CSMD1: variants seen among roughly 807,000 people sequenced by gnomAD.
CSMD1 encodes CUB and sushi domain-containing protein 1.
In CSMD1, 213 loss-of-function variants were observed where a neutral mutation model predicts 417.5. The observed-to-expected ratio is 0.51, with a 90% CI of 0.46 to 0.57. CSMD1 has a LOEUF of 0.57. Ranked by LOEUF, CSMD1 falls within the 20% of genes least tolerant of loss-of-function variation. CSMD1 has a pLI of 0.00. For synonymous variants in CSMD1, 2,862 were observed against 1,736.8 expected, an observed-to-expected ratio of 1.65 and a Z score of -16.11; for missense variants, 6,923 against 4,529.7, an observed-to-expected ratio of 1.53 and a Z score of -15.17.
At chr8:3,344,490 A>C (rs1266376624) in intron 22 of CSMD1, among the ~76,000 whole-genome samples, 1 of 152,228 alleles carries the variant, frequency 6.6e-6, no homozygotes, top group East Asian at 1.9e-4. Flanking sequence ...AAGTCAATGC[A>C]GCAGTCCTCG....
chr8:3,914,000 T>C (rs1241897305), intron 5 of CSMD1, among the ~76,000 whole-genome samples: 1 of 152,178 alleles, frequency 6.6e-6, no homozygotes, highest in Non-Finnish European at 1.5e-5. Flanking sequence ...TTGTAATACT[T>C]TGTTATTCTT....
At chr8:4,735,761 T>C (rs980961024) in intron 1 of CSMD1, among the ~76,000 whole-genome samples, 3 of 152,172 alleles carry the variant, frequency 2.0e-5, no homozygotes, top group East Asian at 1.9e-4. Flanking sequence ...GTCTTCCTAG[T>C]TGTCAGCCGA....
rs1167225749 is a variant in CSMD1 at position 3,036,743 on chromosome 8, G to A, written c.7661-7230C>T. Among the ~76,000 whole-genome samples the A allele has an allele frequency of 2.6e-5, 4 of 152,006 alleles. No individual in the cohort carries two copies. In the South Asian group the frequency reaches 8.3e-4, roughly 32 times the overall value. On this transcript the variant is annotated intron_variant, in intron 50 of 69. Coordinates refer to ENST00000635120, the MANE Select transcript of CSMD1 (RefSeq NM_033225.6). ...CCTTTTAAATGTGTTTCATACCATC[G>A]AATTTCAACAATCCTCTCTTAAAAA...
At chr8:4,968,809 T>A (rs1208358220) in intron 1 of CSMD1, among the ~76,000 whole-genome samples, 2 of 152,144 alleles carry the variant, frequency 1.3e-5, no homozygotes, top group African/African-American at 2.4e-5. Flanking sequence ...GGCAGTTGCA[T>A]CTCTTCTGCC....
intron 3 of CSMD1, among the ~76,000 whole-genome samples, chr8:4,239,243 A>G (rs992346833): frequency 6.6e-6 from 1 of 152,178 alleles, no homozygotes; most frequent in Non-Finnish European, 1.5e-5. Flanking sequence ...TCAGAATTCC[A>G]TTACAGTGGA....
At chr8:3,627,657 G>C (rs963368133) in intron 7 of CSMD1, among the ~76,000 whole-genome samples, 4 of 152,104 alleles carry the variant, frequency 2.6e-5, no homozygotes, top group African/African-American at 9.7e-5. Context: ...AAAACAGGAA[G>C]GGTGATCACA....
chr8:4,455,929 C>CAAAAAA (rs71207091), intron 2 of CSMD1, among the ~76,000 whole-genome samples: 203 of 11,636 alleles, frequency 0.017, 48 homozygotes, highest in East Asian at 0.03. Context: ...ACTCCAACTC[C>CAAAAAA]AAAAAAAAAA....
chr8:3,714,561 C>CCAAAAAAAAAAAAAAA (rs1554519550), intron 6 of CSMD1, among the ~76,000 whole-genome samples: 1 of 70,552 alleles, frequency 1.4e-5, no homozygotes, highest in Non-Finnish European at 2.5e-5. Flanking sequence ...ATCTCTATCC[C>CCAAAAAAAAAAAAAAA]AAAAAAAAAA....
At chr8:3,182,889 TGTG>T (rs1821479604) in intron 36 of CSMD1, 1 of 143,262 alleles carries the variant, frequency 7.0e-6, no homozygotes, top group African/African-American at 2.7e-5. Context: ...TGTGTGTGTG[TGTG>T]TGTGTATTGT....
intron 26 of CSMD1, among the ~76,000 whole-genome samples, chr8:3,253,537 T>A (rs1210456946): frequency 6.6e-6 from 1 of 152,208 alleles, no homozygotes; most frequent in Non-Finnish European, 1.5e-5. Context: ...TGTAGATGTC[T>A]ATTAGGTCCA....
chr8:4,241,996 A>C (rs986047611), intron 3 of CSMD1, among the ~76,000 whole-genome samples: 2 of 152,244 alleles, frequency 1.3e-5, no homozygotes, highest in African/African-American at 4.8e-5. Flanking sequence ...GCTTTAAAGT[A>C]AATGAGACCA....
intron 8 of CSMD1, among the ~76,000 whole-genome samples, chr8:3,590,293 C>A (rs867312723): frequency 1.6e-4 from 25 of 152,058 alleles, no homozygotes; most frequent in African/African-American, 5.5e-4. Context: ...ATATTTTTTC[C>A]TGATTCTATT....
chr8:3,916,058 G>A (rs903542134), intron 5 of CSMD1, among the ~76,000 whole-genome samples: 2 of 151,430 alleles, frequency 1.3e-5, no homozygotes, highest in African/African-American at 2.4e-5. Flanking sequence ...ATAATACTTT[G>A]CTTTTCAAAG....
intron 3 of CSMD1, among the ~76,000 whole-genome samples, chr8:4,245,815 G>C (rs368641093): frequency 1.3e-5 from 2 of 152,034 alleles, no homozygotes; most frequent in African/African-American, 2.4e-5. Context: ...AAAAATTATT[G>C]ACAAGTGTGC....
intron 1 of CSMD1, among the ~76,000 whole-genome samples, chr8:4,658,613 G>A (rs770175804): frequency 6.6e-5 from 10 of 151,994 alleles, no homozygotes; most frequent in Non-Finnish European, 1.0e-4. Flanking sequence ...ATGCCAGTGC[G>A]GAGTATCCAC....
intron 51 of CSMD1, 21 bp downstream of exon 51, chr8:3,029,298 G>A (rs772913974): frequency 1.9e-6 from 3 of 1,539,598 alleles, no homozygotes; most frequent in East Asian, 2.3e-5. Flanking sequence ...GACTTTCAGG[G>A]GTGCCTCCCT....
In CSMD1 at chr8:3,337,090, C is replaced by G. The variant is rs1807313723; in HGVS notation, c.3631+6204G>C. 3.3e-5 allele frequency among the ~76,000 whole-genome samples: 5 copies of G among 152,174 alleles called. No individual in the cohort carries two copies. The South Asian group carries it at 1.0e-3, about 32-fold the overall frequency. On this transcript the variant is annotated intron_variant, in intron 23 of 69. Coordinates refer to ENST00000635120, the MANE Select transcript of CSMD1 (RefSeq NM_033225.6). ...CCTTGCTGTCCCCCTGCCTCAAAAG[C>G]ACAGCTGACTAATCCCCTGGAACCC... is the stretch of plus-strand genomic sequence containing the variant.
chr8:3,148,708 C>G (rs139807162), intron 40 of CSMD1, among the ~76,000 whole-genome samples: 1 of 152,154 alleles, frequency 6.6e-6, no homozygotes, highest in Non-Finnish European at 1.5e-5. Context: ...GCAAATTGCT[C>G]GAAAATGATT....
chr8:3,411,793 CACGTATATAT>C (rs1245420423), intron 12 of CSMD1, among the ~76,000 whole-genome samples: 4 of 103,274 alleles, frequency 3.9e-5, no homozygotes, highest in African/African-American at 1.2e-4. Context: ...TGTATATATA[CACGTATATAT>C]ACACGTATAT....
Sources: gnomAD v4.1 joint callset for allele counts (sites outside exome capture counted in the v4.1 genomes callset) on GRCh38, gnomAD v4.1.1 for gene constraint, MANE v1.5 for transcripts, NCBI Gene and HGNC (gene_info 2026-07-23, HGNC 2026-07-21) for gene names.